The following ZSWIM6 variants were observed in gnomAD, a reference collection of about 807,000 sequenced individuals.
ZSWIM6 encodes zinc finger SWIM domain-containing protein 6.
A neutral mutation model predicts 113.2 loss-of-function variants in ZSWIM6; 9 were observed. That is an observed-to-expected ratio of 0.08 (90% CI 0.05 to 0.14). The LOEUF (loss-of-function observed/expected upper bound fraction) is 0.14. Ranked by LOEUF, ZSWIM6 falls within the 10% of genes least tolerant of loss-of-function variation. The probability of loss-of-function intolerance (pLI) is 1.00; values close to 1 mark genes in which losing one functional copy is unlikely to be tolerated. For synonymous variants in ZSWIM6, 611 were observed against 606.5 expected, an observed-to-expected ratio of 1.01 and a Z score of -0.11; for missense variants, 1,162 against 1,552.2, an observed-to-expected ratio of 0.75 and a Z score of 4.22.
intron 1 of ZSWIM6, among the ~76,000 whole-genome samples, chr5:61,463,010 A>G (rs937520705): frequency 1.3e-5 from 2 of 152,216 alleles, no homozygotes; most frequent in African/African-American, 2.4e-5. Context: ...AGCTGCCTAT[A>G]TATTTTTTTC....
intron 1 of ZSWIM6, among the ~76,000 whole-genome samples, chr5:61,408,587 T>C (rs1746087347): frequency 6.6e-6 from 1 of 152,194 alleles, no homozygotes; most frequent in African/African-American, 2.4e-5. Context: ...TAAAACCCTA[T>C]GGGAGACCAA....
intron 1 of ZSWIM6, among the ~76,000 whole-genome samples, chr5:61,439,503 A>T (rs1274128332): frequency 6.6e-6 from 1 of 152,364 alleles, no homozygotes; most frequent in Non-Finnish European, 1.5e-5. Context: ...AAACATGTCA[A>T]CAGTTAAACA....
intron 2 of ZSWIM6, among the ~76,000 whole-genome samples, chr5:61,481,260 AT>A (rs1349535379): frequency 1.3e-5 from 2 of 152,220 alleles, no homozygotes; most frequent in African/African-American, 4.8e-5. Context: ...TAAGCCAATT[AT>A]AAACGTGTCT....
chr5:61,398,545 A>C (rs2112100213), intron 1 of ZSWIM6, among the ~76,000 whole-genome samples: 1 of 152,302 alleles, frequency 6.6e-6, no homozygotes, highest in East Asian at 1.9e-4. Context: ...TAAGTTCTGC[A>C]TTTGAATCCT....
intron 4 of ZSWIM6, among the ~76,000 whole-genome samples, chr5:61,516,806 A>T (rs1165284304): frequency 6.6e-6 from 1 of 151,946 alleles, no homozygotes; most frequent in African/African-American, 2.4e-5. Context: ...CTCGGCATAA[A>T]GAATTTCCTT....
intron 2 of ZSWIM6, among the ~76,000 whole-genome samples, chr5:61,473,392 T>G (rs1343369637): frequency 1.3e-5 from 2 of 152,230 alleles, no homozygotes; most frequent in African/African-American, 4.8e-5. Context: ...CATTTTCTTT[T>G]AAAATTTATT....
At chr5:61,494,178 T>G in intron 3 of ZSWIM6, 82 bp from the exon 4 acceptor site, 13 of 1,361,266 alleles carry the variant, frequency 9.5e-6, no homozygotes, top group South Asian at 1.4e-5. Context: ...AGAAAAGTGG[T>G]GGTTTGTCTC....
chr5:61,332,448 G>A lies in ZSWIM6; in HGVS notation c.176G>A (p.Gly59Asp). Reference protein sequence around the residue: ...GGAAAAAACGGGAALGLLPPG... With the variant: ...GGAAAAAACGDGAALGLLPPG... ...GCGGCGGCGGCGGCGGCGTGCGGGG[G>A]CGGCGCGGCGCTGGGGTTGCTGCCG... The change falls in exon 1 of 14, where the codon GGC (glycine) becomes GAC (aspartate). Residue 59 changes from glycine to aspartate, a missense_variant. Gly to Asp is a moderately conservative substitution (Grantham distance 94). Transcript: ENST00000252744. The A allele has an allele frequency of 5.9e-6, 6 of 1,023,692 alleles. No homozygotes were observed. The highest frequency in any genetic ancestry group is 7.0e-6 in the Non-Finnish European group (6 of 857,214). 63.4% of individuals were successfully genotyped at this position (1,023,692 alleles called of 1,614,324 possible).
chr5:61,483,983 A>G lies in ZSWIM6; in HGVS notation c.1034-6803A>G, dbSNP rs1256970228. Among the ~76,000 whole-genome samples the G allele has an allele frequency of 2.6e-5, 4 of 152,026 alleles. No individual in the cohort carries two copies. The East Asian group carries it at 7.7e-4, about 29-fold the overall frequency. The stretch of plus-strand genomic sequence containing the variant: ...AATATACATTGTGTAATTCAAGTTA[A>G]GAGTAATTTATGTATTCTTCTATCA... On this transcript the variant is annotated intron_variant, in intron 2 of 13. Coordinates refer to ENST00000252744, the MANE Select transcript of ZSWIM6 (RefSeq NM_020928.2).
At chr5:61,532,168 G>T (rs1189645213) in intron 9 of ZSWIM6, among the ~76,000 whole-genome samples, 1 of 152,160 alleles carries the variant, frequency 6.6e-6, no homozygotes, top group Non-Finnish European at 1.5e-5. Flanking sequence ...TTTTGAATGT[G>T]TCATACGCAC....
intron 3 of ZSWIM6, among the ~76,000 whole-genome samples, chr5:61,493,236 T>C (rs1748226613): frequency 6.6e-6 from 1 of 152,136 alleles, no homozygotes; most frequent in African/African-American, 2.4e-5. Context: ...CCTGTCCATT[T>C]TCTTTTACCA....
intron 1 of ZSWIM6, among the ~76,000 whole-genome samples, chr5:61,462,830 G>T (rs1236758986): frequency 6.6e-6 from 1 of 152,172 alleles, no homozygotes; most frequent in South Asian, 2.1e-4. Context: ...TCAAGGCTAA[G>T]TTCACCAAAC....
At chr5:61,353,331 A>G (rs987137278) in intron 1 of ZSWIM6, among the ~76,000 whole-genome samples, 1 of 152,174 alleles carries the variant, frequency 6.6e-6, no homozygotes, top group Non-Finnish European at 1.5e-5. Context: ...CTCTCATAAC[A>G]ACTTTGAGGA....
intron 1 of ZSWIM6, among the ~76,000 whole-genome samples, chr5:61,408,747 A>T (rs1428176281): frequency 6.6e-6 from 1 of 152,278 alleles, no homozygotes; most frequent in Non-Finnish European, 1.5e-5. Flanking sequence ...GCTGCCAGCC[A>T]AACCTTTGCT....
chr5:61,447,832 G>A (rs978792277), intron 1 of ZSWIM6, among the ~76,000 whole-genome samples: 6 of 152,178 alleles, frequency 3.9e-5, no homozygotes, highest in Admixed American at 1.3e-4. Context: ...CTAAGGAGAT[G>A]GGGGAGATCA....
chr5:61,333,422 C>T (rs1451764678), intron 1 of ZSWIM6, among the ~76,000 whole-genome samples: 2 of 151,852 alleles, frequency 1.3e-5, no homozygotes, highest in African/African-American at 4.8e-5. Flanking sequence ...TCTCCCACTG[C>T]CTGTCGCTCG....
At chr5:61,409,818 G>A (rs748245212) in intron 1 of ZSWIM6, among the ~76,000 whole-genome samples, 15 of 152,092 alleles carry the variant, frequency 9.9e-5, no homozygotes, top group African/African-American at 1.7e-4. Context: ...TCATAGACAA[G>A]GATCTAAAAG....
chr5:61,506,588 A>T (rs1264975788), intron 4 of ZSWIM6, among the ~76,000 whole-genome samples: 3 of 152,132 alleles, frequency 2.0e-5, no homozygotes, highest in African/African-American at 7.2e-5. Context: ...AAGAAAAAAA[A>T]AAAAGTTATT....
At chr5:61,460,865 A>T (rs1747309605) in intron 1 of ZSWIM6, among the ~76,000 whole-genome samples, 1 of 151,796 alleles carries the variant, frequency 6.6e-6, no homozygotes, top group Non-Finnish European at 1.5e-5. Flanking sequence ...GTTTTATTTT[A>T]TGTTTCTATA....
Sources: gnomAD v4.1 joint callset for allele counts (sites outside exome capture counted in the v4.1 genomes callset) on GRCh38, gnomAD v4.1.1 for gene constraint, MANE v1.5 for transcripts, NCBI Gene and HGNC (gene_info 2026-07-23, HGNC 2026-07-21) for gene names.